The following STK3 variants were observed in gnomAD, a reference collection of about 807,000 sequenced individuals.
STK3 encodes serine/threonine-protein kinase 3.
STK3 carries 41 observed loss-of-function variants against 58.0 expected under a neutral mutation model. The observed-to-expected ratio is 0.71, with a 90% CI of 0.55 to 0.92. STK3 has a LOEUF of 0.92. STK3 is among the 40% of genes least tolerant of loss of function. The pLI is 0.00. For missense variants in STK3, 479 were observed against 602.7 expected (o/e 0.79, Z 2.15); for synonymous variants, 170 against 191.0 (o/e 0.89, Z 0.91).
chr8:98,767,238 C>T lies in STK3; in HGVS notation c.236+5G>A. On this transcript the variant is annotated splice_donor_5th_base_variant and intron_variant, in intron 3 of 10. Coordinates refer to ENST00000419617, the MANE Select transcript of STK3 (RefSeq NM_006281.4). The stretch of plus-strand genomic sequence containing the variant: ...GGTAAGCAAAGAAATAAAATCTCTT[C>T]ATACCTGTCACATTGCTGCATTATG... 1.2e-6 allele frequency: 2 copies of T among 1,601,480 alleles called. No individual in the cohort carries two copies. Among genetic ancestry groups the T allele is most frequent in the Non-Finnish European group, 8.5e-7 (1 of 1,176,836 alleles).
chr8:98,586,991 T>C (rs1001195345), intron 7 of STK3, among the ~76,000 whole-genome samples: 1 of 152,094 alleles, frequency 6.6e-6, no homozygotes, highest in Non-Finnish European at 1.5e-5. Context: ...TCTCTCTTTT[T>C]TTCTTTATTA....
chr8:98,790,978 C>T (rs563477955), intron 1 of STK3, among the ~76,000 whole-genome samples: 5 of 148,004 alleles, frequency 3.4e-5, no homozygotes, highest in Admixed American at 2.7e-4. Context: ...GGTGAGACTC[C>T]GTCTCAAAAA....
intron 3 of STK3, among the ~76,000 whole-genome samples, chr8:98,409,492 C>T (rs1051215609): frequency 1.3e-5 from 2 of 152,228 alleles, no homozygotes; most frequent in Non-Finnish European, 2.9e-5. Flanking sequence ...GCTGTCTGGC[C>T]AGCAAAGGCC....
intron 1 of STK3, among the ~76,000 whole-genome samples, chr8:98,441,303 C>G (rs950342730): frequency 6.6e-6 from 1 of 152,204 alleles, no homozygotes; most frequent in African/African-American, 2.4e-5. Flanking sequence ...TTGCAGCTTG[C>G]TCTGTTCTGG....
chr8:98,570,264 G>A (rs1299187121), intron 8 of STK3, among the ~76,000 whole-genome samples: 2 of 151,156 alleles, frequency 1.3e-5, no homozygotes, highest in Non-Finnish European at 3.0e-5. Flanking sequence ...AAATAGCTGG[G>A]ACTACAGGCA....
intron 1 of STK3, among the ~76,000 whole-genome samples, chr8:98,914,056 A>C (rs1041612949): frequency 8.1e-6 from 1 of 123,046 alleles, no homozygotes; most frequent in African/African-American, 2.9e-5. Flanking sequence ...AAGCCAATTC[A>C]AAAAAAAAAA....
At chr8:98,772,443 C>T (rs556037242) in intron 2 of STK3, among the ~76,000 whole-genome samples, 41 of 152,126 alleles carry the variant, frequency 2.7e-4, no homozygotes, top group African/African-American at 9.6e-4. Context: ...TCGTGCCTGT[C>T]ATCCCAACAC....
intron 10 of STK3, among the ~76,000 whole-genome samples, chr8:98,504,618 G>C (rs549298427): frequency 2.0e-5 from 3 of 152,156 alleles, no homozygotes; most frequent in Admixed American, 6.5e-5. Flanking sequence ...TTGCTTGTTT[G>C]TAATGGATTT....
At chr8:98,566,509 A>G (rs1167436767) in intron 8 of STK3, among the ~76,000 whole-genome samples, 2 of 152,152 alleles carry the variant, frequency 1.3e-5, no homozygotes, top group Admixed American at 1.3e-4. Context: ...ACTTGATGTG[A>G]AATATAAATC....
chr8:98,839,053 G>C (rs972506853), intron 3 of STK3, among the ~76,000 whole-genome samples: 2 of 151,380 alleles, frequency 1.3e-5, no homozygotes, highest in African/African-American at 2.4e-5. Context: ...GATTTTTGGG[G>C]GGGGGCGGTT....
rs183380706 is a variant in STK3, at chr8:98,850,395, C to T, written c.110+33252G>A. Among the ~76,000 whole-genome samples the T allele has an allele frequency of 4.3e-4, 65 of 152,250 alleles. No individual in the cohort carries two copies. The Middle Eastern group carries it at 0.01, about 24-fold the overall frequency. On this transcript the variant is annotated intron_variant, in intron 3 of 12. Transcript: ENST00000523601. The stretch of plus-strand genomic sequence containing the variant: ...TGGGTATTGGGCTGGGACAAGGACC[C>T]TGTCTTCAGAGAGATTACTGTCTAA...
At chr8:98,595,946 T>A in intron 7 of STK3, 86 bp downstream of exon 7, 1 of 1,456,306 alleles carries the variant, frequency 6.9e-7, no homozygotes, top group Non-Finnish European at 9.3e-7. Flanking sequence ...AGAAATCAGT[T>A]ATGAAACACA....
At chr8:98,749,489 A>G (rs919214838) in intron 3 of STK3, 99 bp from the exon 4 acceptor site, 4 of 513,590 alleles carry the variant, frequency 7.8e-6, no homozygotes, top group African/African-American at 5.8e-5. Context: ...ATACTGTTCC[A>G]ATAAGTTAAA....
intron 1 of STK3, chr8:98,904,735 G>T: frequency 1.2e-6 from 1 of 832,176 alleles, no homozygotes; most frequent in Non-Finnish European, 2.0e-6. Context: ...CTCCAACTGT[G>T]GGGAGCATGG....
chr8:98,416,159 G>A (rs1204692616), intron 3 of STK3, among the ~76,000 whole-genome samples: 1 of 152,200 alleles, frequency 6.6e-6, no homozygotes, highest in Non-Finnish European at 1.5e-5. Flanking sequence ...CCCAGAGCAA[G>A]CCACGTGGTT....
downstream of STK3, among the ~76,000 whole-genome samples, chr8:98,369,852 G>T (rs1482944614): frequency 6.6e-6 from 1 of 152,140 alleles, no homozygotes; most frequent in African/African-American, 2.4e-5. Flanking sequence ...TCTAGGGAGA[G>T]CAGGGCAAGC....
At chr8:98,700,022 T>C (rs1825409123) in intron 6 of STK3, among the ~76,000 whole-genome samples, 2 of 152,254 alleles carry the variant, frequency 1.3e-5, no homozygotes, top group Admixed American at 6.5e-5. Flanking sequence ...CTCTACCCAG[T>C]TGGAGCTTCC....
intron 6 of STK3, among the ~76,000 whole-genome samples, chr8:98,657,489 T>C (rs770119610): frequency 6.6e-6 from 1 of 152,062 alleles, no homozygotes; most frequent in Non-Finnish European, 1.5e-5. Flanking sequence ...TAGGGTTATA[T>C]GGAAGAATAG....
At chr8:98,574,175 T>G (rs1308837960) in intron 8 of STK3, among the ~76,000 whole-genome samples, 1 of 152,156 alleles carries the variant, frequency 6.6e-6, no homozygotes, top group Non-Finnish European at 1.5e-5. Context: ...ATGTACCTAA[T>G]GAACTGGGTG....
Sources: gnomAD v4.1 joint callset for allele counts (sites outside exome capture counted in the v4.1 genomes callset) on GRCh38, gnomAD v4.1.1 for gene constraint, MANE v1.5 for transcripts, NCBI Gene and HGNC (gene_info 2026-07-23, HGNC 2026-07-21) for gene names.